Variants in SMC2 observed in about 807,000 individuals in gnomAD.
SMC2 encodes the protein structural maintenance of chromosomes protein 2.
A neutral mutation model predicts 142.6 loss-of-function variants in SMC2; 41 were observed. The ratio of observed to expected loss-of-function variants is 0.29; its 90% CI spans 0.22 to 0.37. SMC2 has a LOEUF of 0.37. Among genes scored for constraint, SMC2 ranks in the 10% least tolerant of loss-of-function variants. The pLI is 1.00. For synonymous variants in SMC2, 463 were observed against 457.5 expected (o/e 1.01, Z -0.15); for missense variants, 1,265 against 1,373.7 (o/e 0.92, Z 1.25).
rs796595960 is a variant in SMC2, at chr9:104,122,979, T to TA, written c.2133-127dup. ...TTGAAAGCCGTCAAAATTATTCCTG[T>TA]AACCAGTAGCATCTTATATTGTTTA... On this transcript the variant is annotated intron_variant, in intron 16 of 24. Transcript: ENST00000374793. 1.0e-4 allele frequency: 92 copies of TA among 884,136 alleles called. No homozygotes were observed. In the African/African-American group the frequency reaches 1.4e-3, roughly 14 times the overall value. The allele number at this position is 884,136 out of a possible 1,614,324, so 54.8% of individuals were successfully genotyped here. A position where few individuals can be genotyped will look rare whatever the true frequency, so the allele number is the denominator to read the frequency against.
intron 22 of SMC2, among the ~76,000 whole-genome samples, chr9:104,133,428 T>C (rs1244344013): frequency 1.3e-5 from 2 of 152,136 alleles, no homozygotes; most frequent in Admixed American, 1.3e-4. Context: ...AGTAAATCTA[T>C]ATTTAGGATC....
chr9:104,095,350 T>C lies in SMC2; in HGVS notation c.-35T>C, dbSNP rs1830334782. 1 of 1,586,412 alleles carries C rather than the reference T, an allele frequency of 6.3e-7. No individual in the cohort carries two copies. The highest frequency in any genetic ancestry group is 1.7e-5 in the Admixed American group (1 of 59,208). On this transcript the variant is annotated 5_prime_UTR_variant, in exon 2 of 25. Coordinates refer to ENST00000374793, the MANE Select transcript of SMC2 (RefSeq NM_006444.3). The stretch of plus-strand genomic sequence containing the variant: ...ACTGGTTTGTGGCCTGTTTGATTCC[T>C]GTCAGAGGTTTGCTGACCCAAGACA...
Position 104,134,516 on chromosome 9 carries a change from C to G in SMC2, c.3210C>G (p.Phe1070Leu). The change falls in exon 23 of 25, where the codon TTC becomes TTG. Residue 1070 changes from phenylalanine to leucine, a missense_variant. Physicochemically the swap from Phe to Leu is conservative, Grantham distance 22 (BLOSUM62 0). Transcript: ENST00000374793. ...EGQTVLDGLE[F>L]KVALGNTWKE... ...AAACTGTTTTGGATGGTCTGGAGTT[C>G]AAGGTTGCCTTGGGAAATACCTGGA... 6.2e-7 allele frequency: 1 copy of G among 1,612,400 alleles called. No homozygotes were observed.
rs1564063522 is a variant in SMC2 at position 104,096,128 on chromosome 9, C to CAT, written c.169-20_169-19insAT. ...GGTAGGGAGTTTTGTAATTGTTACA[C>CAT]TTTTCATATTTTATTTTAGGTTCGG... is the stretch of plus-strand genomic sequence containing the variant. On this transcript the variant is annotated intron_variant, in intron 2 of 24. Transcript: ENST00000374793. The CAT allele has an allele frequency of 3.7e-6, 6 of 1,607,210 alleles. No homozygotes were observed. Among genetic ancestry groups the CAT allele is most frequent in the African/African-American group, 2.7e-5 (2 of 74,624 alleles).
chr9:104,100,321 A>G (rs1830963948), intron 6 of SMC2, 68 bp from the exon 7 acceptor site: 7 of 1,430,800 alleles, frequency 4.9e-6, no homozygotes, highest in South Asian at 3.6e-5. Context: ...CATCCCTGCT[A>G]CTTCTCTTTC....
intron 10 of SMC2, among the ~76,000 whole-genome samples, chr9:104,112,704 A>T (rs1016330277): frequency 6.6e-6 from 1 of 152,152 alleles, no homozygotes; most frequent in African/African-American, 2.4e-5. Flanking sequence ...GGATACCCCC[A>T]TCTAAAACCC....
At chr9:104,118,412 T>C (rs1375450311) in intron 15 of SMC2, 37 bp downstream of exon 15, 1 of 1,549,600 alleles carries the variant, frequency 6.5e-7, no homozygotes, top group Non-Finnish European at 8.8e-7. Context: ...CAATTCTTTG[T>C]GGTAAATAGG....
intron 16 of SMC2, among the ~76,000 whole-genome samples, chr9:104,121,432 G>C (rs1484205648): frequency 6.6e-6 from 1 of 152,088 alleles, no homozygotes; most frequent in African/African-American, 2.4e-5. Flanking sequence ...GCAGTTCGAG[G>C]TTGCGGTGAG....
At chr9:104,103,600 C>A (rs767070310) in intron 9 of SMC2, among the ~76,000 whole-genome samples, 4 of 152,170 alleles carry the variant, frequency 2.6e-5, no homozygotes, top group African/African-American at 9.7e-5. Context: ...AGGAATAGGT[C>A]ATCCATGGTA....
chr9:104,121,793 C>CTT (rs201222369), intron 16 of SMC2, among the ~76,000 whole-genome samples: 2 of 151,192 alleles, frequency 1.3e-5, no homozygotes, highest in African/African-American at 4.8e-5. Flanking sequence ...TTGTCTTTTT[C>CTT]TTTTTTTTTG....
chr9:104,106,463 A>G (rs1165000246), intron 9 of SMC2, among the ~76,000 whole-genome samples: 5 of 151,966 alleles, frequency 3.3e-5, no homozygotes, highest in African/African-American at 1.2e-4. Context: ...ATTTCGGCTC[A>G]CTACAACTTG....
rs1835932085 is a variant in SMC2, at chr9:104,140,060, C to A, written c.*745C>A. ...AGCTTAGGAGGTGTGTTGCGTGGTA[C>A]TATCTGCTGCAAATTTATCTGAAGT... On this transcript the variant is annotated 3_prime_UTR_variant, in exon 25 of 25. Coordinates refer to ENST00000374793, the MANE Select transcript of SMC2 (RefSeq NM_006444.3). The A allele has an allele frequency of 6.6e-6, 1 of 151,986 alleles. No individual in the cohort carries two copies. Among genetic ancestry groups the A allele is most frequent in the Admixed American group, 6.6e-5 (1 of 15,244 alleles). The allele number at this position is 151,986 out of a possible 1,614,324, so 9.4% of individuals were successfully genotyped here. A position where few individuals can be genotyped will look rare whatever the true frequency, so the allele number is the denominator to read the frequency against.
chr9:104,124,508 A>ATAAAG (rs1834059653), intron 17 of SMC2, among the ~76,000 whole-genome samples: 1 of 152,210 alleles, frequency 6.6e-6, no homozygotes, highest in Admixed American at 6.5e-5. Context: ...GGCAAAGAAC[A>ATAAAG]TAAAGTAAGC....
rs373746691 is a variant in SMC2, at chr9:104,127,506, A to G, written c.2790+26A>G. 1.1e-5 allele frequency: 16 copies of G among 1,464,506 alleles called. No homozygotes were observed. In the African/African-American group the frequency reaches 1.4e-4, roughly 13 times the overall value. 90.7% of individuals were successfully genotyped at this position (1,464,506 alleles called of 1,614,324 possible). A position where few individuals can be genotyped will look rare whatever the true frequency, so the allele number is the denominator to read the frequency against. On this transcript the variant is annotated intron_variant, in intron 20 of 24. Transcript: ENST00000374793. ...GTATACGTTTGTGTGCATTTTTTAT[A>G]CTAAATCAAATTTTTGTTACTGAGC...
At chr9:104,093,645 A>C (rs1254489252), upstream of SMC2, among the ~76,000 whole-genome samples, 3 of 152,188 alleles carry the variant, frequency 2.0e-5, no homozygotes, top group Non-Finnish European at 4.4e-5. Context: ...AGGGAGATGA[A>C]TAGCTATTTA....
chr9:104,097,067 T>A (rs1193422515), intron 3 of SMC2, among the ~76,000 whole-genome samples: 2 of 152,068 alleles, frequency 1.3e-5, no homozygotes, highest in Non-Finnish European at 2.9e-5. Context: ...CCACTCAATT[T>A]TTTTTTAGGT....
chr9:104,114,020 A>G lies in SMC2; in HGVS notation c.1471A>G (p.Arg491Gly). The G allele has an allele frequency of 6.2e-7, 1 of 1,601,682 alleles. No homozygotes were observed. Among genetic ancestry groups the G allele is most frequent in the Non-Finnish European group, 8.5e-7 (1 of 1,176,600 alleles). ...KRRQLSRDIGRLKETYEALLA... is the reference protein window; with the variant it reads ...KRRQLSRDIGGLKETYEALLA... ...CAGGCAGCTGTCTCGTGATATTGGT[A>G]GATTGAAAGAAACATATGAAGCTCT... is the stretch of plus-strand genomic sequence containing the variant. The change falls in exon 12 of 25, where the codon AGA becomes GGA. Residue 491 changes from arginine to glycine, a missense_variant. Arg to Gly is a moderately radical substitution (Grantham distance 125). Around this residue, in one of 4 missense-constraint regions of SMC2, gnomAD observed 898 missense variants for 904.2 expected, o/e 0.99. Coordinates refer to ENST00000374793, the MANE Select transcript of SMC2 (RefSeq NM_006444.3).
Position 104,123,178 on chromosome 9 carries a change from CA to C in SMC2, c.2206del (p.Ser736AlafsTer10). On this transcript the variant is annotated frameshift_variant, in exon 17 of 25. Coordinates refer to ENST00000374793, the MANE Select transcript of SMC2 (RefSeq NM_006444.3). LOFTEE classifies it high-confidence loss of function. ...AGATTTATTACAAACCAAGCTCCAG[CA>C]AAGCTCATATCACAAGCAACAAGAA... ...EADLLQTKLQ[Q>X]SSYHKQQEEL... 6.2e-7 allele frequency: 1 copy of C among 1,612,402 alleles called. No homozygotes were observed. Among genetic ancestry groups the C allele is most frequent in the Non-Finnish European group, 8.5e-7 (1 of 1,179,152 alleles).
chr9:104,119,979 C>T lies in SMC2; in HGVS notation c.1997-48C>T, dbSNP rs746538780. ...TTAGAAGACTTTTTATTGTGTAGTA[C>T]ATACCTGGTAACAATGTGGAAGACC... On this transcript the variant is annotated intron_variant, in intron 15 of 24. Transcript: ENST00000374793. 8.8e-6 allele frequency: 14 copies of T among 1,591,828 alleles called. No homozygotes were observed. The South Asian group carries it at 1.1e-4, about 13-fold the overall frequency.
Sources: gnomAD v4.1 joint callset for allele counts (sites outside exome capture counted in the v4.1 genomes callset) on GRCh38, gnomAD v4.1.1 for gene constraint, gnomAD v4.1.1 regional missense constraint, MANE v1.5 for transcripts, NCBI Gene and HGNC (gene_info 2026-07-23, HGNC 2026-07-21) for gene names.